The following SYNGR1 variants were observed in gnomAD, a reference collection of about 807,000 sequenced individuals.
SYNGR1 encodes synaptogyrin 1.
A neutral mutation model predicts 26.1 loss-of-function variants in SYNGR1; 14 were observed. That is an observed-to-expected ratio of 0.54 (90% CI 0.35 to 0.84). The LOEUF is 0.84. Ranked by LOEUF, SYNGR1 falls within the 40% of genes least tolerant of loss-of-function variation. The pLI is 0.01. For missense variants in SYNGR1, 319 were observed against 332.9 expected (o/e 0.96, Z 0.33); for synonymous variants, 141 against 150.1 (o/e 0.94, Z 0.44).
intron 1 of SYNGR1, among the ~76,000 whole-genome samples, chr22:39,373,008 A>G (rs771424459): frequency 3.3e-5 from 5 of 152,064 alleles, no homozygotes; most frequent in Non-Finnish European, 5.9e-5. Context: ...TACTCCCAGA[A>G]GTGATATCCC....
chr22:39,373,039 G>C lies in SYNGR1; in HGVS notation c.100-1277G>C, dbSNP rs147295881. Among the ~76,000 whole-genome samples the C allele has an allele frequency of 7.5e-3, 1,143 of 152,194 alleles. 21 individuals are homozygous for C. The highest frequency in any genetic ancestry group is 0.026 in the African/African-American group (1,083 of 41,504). On this transcript the variant is annotated intron_variant, in intron 1 of 3. Transcript: ENST00000328933. The stretch of plus-strand genomic sequence containing the variant: ...ATCCCATCACTTCTTGCCATATCCT[G>C]TAGTGGGGTCAGTGAGATAGCATGT...
intron 1 of SYNGR1, among the ~76,000 whole-genome samples, chr22:39,367,191 G>C (rs548827189): frequency 1.5e-4 from 23 of 152,332 alleles, no homozygotes; most frequent in African/African-American, 5.3e-4. Flanking sequence ...GTTCCCAACT[G>C]TGTCCTCAGC....
chr22:39,368,634 C>A (rs910258531), intron 1 of SYNGR1, among the ~76,000 whole-genome samples: 1 of 152,198 alleles, frequency 6.6e-6, no homozygotes, highest in African/African-American at 2.4e-5. Flanking sequence ...CCTCTGTCTC[C>A]CAAGAGAGCC....
At chr22:39,380,315 C>T (rs925144141) in intron 3 of SYNGR1, among the ~76,000 whole-genome samples, 1 of 152,140 alleles carries the variant, frequency 6.6e-6, no homozygotes, top group African/African-American at 2.4e-5. Context: ...TGACCGAAAT[C>T]CCAGATAACA....
rs866373972 is a variant in SYNGR1, at chr22:39,383,151, G to A, written c.*1237G>A. On this transcript the variant is annotated 3_prime_UTR_variant, in exon 4 of 4. Transcript: ENST00000328933. ...CATCTGGGGTCAGTCAGGGTTCGGG[G>A]GCTGCAGCAGCCAAGCGCATGAGAG... 11 of 152,508 alleles carry A rather than the reference G, an allele frequency of 7.2e-5. No individual in the cohort carries two copies. Among genetic ancestry groups the A allele is most frequent in the African/African-American group, 2.7e-4 (11 of 41,450 alleles). 9.4% of individuals were successfully genotyped at this position (152,508 alleles called of 1,614,324 possible).
chr22:39,378,127 GGTGTGAAGA>G, intron 3 of SYNGR1: 1 of 1,158,410 alleles, frequency 8.6e-7, no homozygotes, highest in South Asian at 1.8e-5. Flanking sequence ...CCTTCACAGC[GGTGTGAAGA>G]GTGACCTCAC....
Position 39,350,739 on chromosome 22 carries a change from GGTGGGGA to G in SYNGR1, c.99+634_99+640del, listed in dbSNP as rs1923867526. On this transcript the variant is annotated intron_variant, in intron 1 of 3. Coordinates refer to ENST00000328933, the MANE Select transcript of SYNGR1 (RefSeq NM_004711.5). The surrounding 1 kb of genome is among the most constrained non-coding windows in gnomAD (Gnocchi z 4.3). ...CGAGAAATGAGGACTTCAATTCCGA[GGTGGGGA>G]GTGTCATCTCCTCTCTCATGCCTCA... Among the ~76,000 whole-genome samples, 1 of 152,234 alleles carries G rather than the reference GGTGGGGA, an allele frequency of 6.6e-6. No homozygotes were observed. The highest frequency in any genetic ancestry group is 1.5e-5 in the Non-Finnish European group (1 of 68,038).
chr22:39,364,933 ACT>A (rs1471392733), intron 1 of SYNGR1, among the ~76,000 whole-genome samples: 1 of 152,022 alleles, frequency 6.6e-6, no homozygotes, highest in East Asian at 1.9e-4. Flanking sequence ...TTTAAAAAAG[ACT>A]CGGGATTGGA....
intron 1 of SYNGR1, among the ~76,000 whole-genome samples, chr22:39,363,683 T>A (rs1231137191): frequency 6.6e-6 from 1 of 151,886 alleles, no homozygotes; most frequent in African/African-American, 2.4e-5. Context: ...GTGGGTGATA[T>A]CCCCCTGGCT....
intron 1 of SYNGR1, among the ~76,000 whole-genome samples, chr22:39,371,612 G>A (rs934090980): frequency 6.6e-6 from 1 of 151,904 alleles, no homozygotes; most frequent in Non-Finnish European, 1.5e-5. Context: ...CAAACATGAC[G>A]AAACTCCATC....
In SYNGR1 at chr22:39,371,079, A is replaced by T. The variant is rs1316786325; in HGVS notation, c.100-3237A>T. On this transcript the variant is annotated intron_variant, in intron 1 of 3. Coordinates refer to ENST00000328933, the MANE Select transcript of SYNGR1 (RefSeq NM_004711.5). ...ACTATAGACATCTTACAGAGATAAG[A>T]TAATATTAAGAATGCTTCTCATATT... is the stretch of plus-strand genomic sequence containing the variant. Among the ~76,000 whole-genome samples, 10 of 152,236 alleles carry T rather than the reference A, an allele frequency of 6.6e-5. 1 individual carries two copies. In the South Asian group the frequency reaches 1.9e-3, roughly 28 times the overall value.
chr22:39,375,956 A>ATGTCCCTC, intron 2 of SYNGR1, 96 bp from the exon 3 acceptor site: 1 of 1,530,218 alleles, frequency 6.5e-7, no homozygotes, highest in Non-Finnish European at 9.1e-7. Context: ...GCACTCTTGA[A>ATGTCCCTC]TGTCCCTCTG....
At chr22:39,365,182 C>T (rs1438225800) in intron 1 of SYNGR1, among the ~76,000 whole-genome samples, 1 of 152,196 alleles carries the variant, frequency 6.6e-6, no homozygotes, top group Non-Finnish European at 1.5e-5. Flanking sequence ...TCCCCAGTGT[C>T]TCGGCTGCTG....
At chr22:39,376,291 G>A in intron 3 of SYNGR1, 94 bp downstream of exon 3, 2 of 1,593,260 alleles carry the variant, frequency 1.3e-6, no homozygotes, top group Non-Finnish European at 1.7e-6. Context: ...GACCCGCTCT[G>A]CCTCTGGGAG....
intron 1 of SYNGR1, among the ~76,000 whole-genome samples, chr22:39,366,294 A>C (rs182630919): frequency 4.0e-5 from 6 of 150,430 alleles, no homozygotes; most frequent in Admixed American, 4.0e-4. Context: ...CAGCTTCTTC[A>C]CTCTTCCTCT....
intron 1 of SYNGR1, among the ~76,000 whole-genome samples, chr22:39,352,077 C>T (rs1372155280): frequency 1.3e-5 from 2 of 152,222 alleles, no homozygotes; most frequent in East Asian, 3.8e-4. Context: ...GGCCCAAAGT[C>T]ACTAAGCATG....
chr22:39,364,402 T>C lies in SYNGR1; in HGVS notation c.100-9914T>C, dbSNP rs987701835. 3.8e-6 allele frequency: 6 copies of C among 1,568,908 alleles called. No homozygotes were observed. The African/African-American group carries it at 8.1e-5, about 21-fold the overall frequency. On this transcript the variant is annotated intron_variant, in intron 1 of 3. Coordinates refer to ENST00000328933, the MANE Select transcript of SYNGR1 (RefSeq NM_004711.5). Reference sequence around the variant, plus strand: ...GTATAAGACTGCTTTGTGGGGATGATTTGCAGATTTTTATGGGGATTAAAA... The same window carrying C: ...GTATAAGACTGCTTTGTGGGGATGACTTGCAGATTTTTATGGGGATTAAAA...
intron 1 of SYNGR1, among the ~76,000 whole-genome samples, chr22:39,358,464 C>A (rs1287185881): frequency 6.6e-6 from 1 of 152,198 alleles, no homozygotes; most frequent in Non-Finnish European, 1.5e-5. Context: ...CTCTTTGGGT[C>A]CACACTACTT....
chr22:39,359,488 G>A lies in SYNGR1; in HGVS notation c.99+9379G>A, dbSNP rs188083227. ...AAAAAAAAATACAAAAAAATTAGCCGGGTGTGGTGGCGGGGGCCTGTAGTC... is the reference window on the plus strand; with the variant it reads ...AAAAAAAAATACAAAAAAATTAGCCAGGTGTGGTGGCGGGGGCCTGTAGTC... On this transcript the variant is annotated intron_variant, in intron 1 of 3. Transcript: ENST00000328933. Among the ~76,000 whole-genome samples, 323 of 151,900 alleles carry A rather than the reference G, an allele frequency of 2.1e-3. 2 individuals are homozygous for A. The highest frequency in any genetic ancestry group is 3.5e-3 in the Non-Finnish European group (237 of 67,904).
Sources: gnomAD v4.1 joint callset for allele counts (sites outside exome capture counted in the v4.1 genomes callset) on GRCh38, gnomAD v4.1.1 for gene constraint, Gnocchi (gnomAD v3.1) non-coding constraint, MANE v1.5 for transcripts, NCBI Gene and HGNC (gene_info 2026-07-23, HGNC 2026-07-21) for gene names.